Variants in KCNIP1 observed in about 807,000 individuals in gnomAD.
The protein encoded by KCNIP1 is A-type potassium channel modulatory protein KCNIP1.
KCNIP1 carries 18 observed loss-of-function variants against 33.0 expected under a neutral mutation model. That is an observed-to-expected ratio of 0.55 (90% CI 0.38 to 0.81). KCNIP1 has a LOEUF of 0.81. Ranked by LOEUF, KCNIP1 falls within the 30% of genes least tolerant of loss-of-function variation. The pLI is 0.00. For synonymous variants in KCNIP1, 93 were observed against 98.3 expected (o/e 0.95, Z 0.32); for missense variants, 238 against 271.6 (o/e 0.88, Z 0.87).
chr5:170,519,939 G>C (rs902609627), intron 1 of KCNIP1, among the ~76,000 whole-genome samples: 1 of 152,052 alleles, frequency 6.6e-6, no homozygotes, highest in Non-Finnish European at 1.5e-5. Flanking sequence ...GCAAAGACAG[G>C]GGGTGAGCGA....
chr5:170,506,978 G>A (rs543721305), intron 1 of KCNIP1, among the ~76,000 whole-genome samples: 2 of 152,386 alleles, frequency 1.3e-5, no homozygotes, highest in South Asian at 2.1e-4. Context: ...GAGGAGGCTA[G>A]TGGTCAGGGA....
At chr5:170,600,703 C>T (rs1048499514) in intron 1 of KCNIP1, among the ~76,000 whole-genome samples, 1 of 152,214 alleles carries the variant, frequency 6.6e-6, no homozygotes, top group African/African-American at 2.4e-5. Context: ...TAGGCAGGTA[C>T]TATTTGCAGG....
At chr5:170,614,098 C>T (rs1759280171) in intron 1 of KCNIP1, among the ~76,000 whole-genome samples, 4 of 152,198 alleles carry the variant, frequency 2.6e-5, no homozygotes. Flanking sequence ...GTTCATCTGG[C>T]TGTGTCACAA....
intron 1 of KCNIP1, among the ~76,000 whole-genome samples, chr5:170,693,621 C>T (rs1024949836): frequency 4.6e-5 from 7 of 152,174 alleles, no homozygotes; most frequent in African/African-American, 1.7e-4. Flanking sequence ...AACACCTGAG[C>T]ACGGAAGACC....
intron 1 of KCNIP1, among the ~76,000 whole-genome samples, chr5:170,515,854 G>A (rs1736716263): frequency 6.6e-6 from 1 of 152,188 alleles, no homozygotes; most frequent in Non-Finnish European, 1.5e-5. Flanking sequence ...GGCAGGGGCT[G>A]GAGAATTAGA....
At chr5:170,715,614 G>A (rs758304774) in intron 1 of KCNIP1, among the ~76,000 whole-genome samples, 10 of 152,244 alleles carry the variant, frequency 6.6e-5, no homozygotes, top group East Asian at 3.9e-4. Context: ...TATCACATGC[G>A]CAGGGCAATG....
At chr5:170,421,397 C>G (rs7707542) in intron 1 of KCNIP1, among the ~76,000 whole-genome samples, 58,045 of 152,082 alleles carry the variant, frequency 0.38, 11,381 homozygotes, top group South Asian at 0.47. Context: ...CAGTAAAAAC[C>G]TTTCTTCTGT....
upstream of KCNIP1, among the ~76,000 whole-genome samples, chr5:170,503,339 A>G (rs187456347): frequency 9.8e-3 from 1,467 of 150,300 alleles, 24 homozygotes; most frequent in African/African-American, 0.034. Flanking sequence ...GGTTGCAGTG[A>G]GCAGAGATCG....
chr5:170,586,956 G>A (rs1197187971), intron 1 of KCNIP1, among the ~76,000 whole-genome samples: 1 of 152,218 alleles, frequency 6.6e-6, no homozygotes, highest in African/African-American at 2.4e-5. Context: ...GGAGCTCACA[G>A]CCCAGTGGGG....
intron 1 of KCNIP1, among the ~76,000 whole-genome samples, chr5:170,641,768 C>T (rs545722198): frequency 1.2e-4 from 19 of 152,298 alleles, no homozygotes; most frequent in South Asian, 6.2e-4. Context: ...CCACGATCTA[C>T]GACATTGGCT....
intron 5 of KCNIP1, among the ~76,000 whole-genome samples, chr5:170,731,268 C>T (rs1002508470): frequency 4.6e-5 from 7 of 152,182 alleles, no homozygotes; most frequent in African/African-American, 1.7e-4. Flanking sequence ...TATACCATCA[C>T]TTCTGTGGTA....
intron 1 of KCNIP1, among the ~76,000 whole-genome samples, chr5:170,533,527 G>A (rs1198055219): frequency 6.6e-6 from 1 of 152,214 alleles, no homozygotes; most frequent in East Asian, 1.9e-4. Flanking sequence ...CCACCTCACA[G>A]GAGGGCAGGT....
intron 1 of KCNIP1, among the ~76,000 whole-genome samples, chr5:170,457,301 G>A (rs1463141335): frequency 6.6e-6 from 1 of 152,196 alleles, no homozygotes; most frequent in Non-Finnish European, 1.5e-5. Flanking sequence ...AGACAGGGCA[G>A]CAAAACTGCA....
At chr5:170,676,042 G>GC in intron 1 of KCNIP1, among the ~76,000 whole-genome samples, 1 of 148,956 alleles carries the variant, frequency 6.7e-6, no homozygotes, top group Non-Finnish European at 1.5e-5. Flanking sequence ...AGAAAAGAGA[G>GC]AGAGCAGAAA....
At chr5:170,359,224 G>T in intron 1 of KCNIP1, among the ~76,000 whole-genome samples, 1 of 152,154 alleles carries the variant, frequency 6.6e-6, no homozygotes, top group Non-Finnish European at 1.5e-5. Context: ...CTCCCCCATG[G>T]CTCTCCCTTC....
chr5:170,548,059 C>G (rs901042635), intron 1 of KCNIP1, among the ~76,000 whole-genome samples: 2 of 152,098 alleles, frequency 1.3e-5, no homozygotes, highest in East Asian at 3.8e-4. Flanking sequence ...TTAATAGTAG[C>G]CATTCTAACT....
intron 1 of KCNIP1, among the ~76,000 whole-genome samples, chr5:170,447,373 A>G (rs1756146911): frequency 6.6e-6 from 1 of 152,206 alleles, no homozygotes; most frequent in African/African-American, 2.4e-5. Flanking sequence ...CTCTCATCAT[A>G]AAGCTGGAAA....
chr5:170,441,358 A>T (rs1449358499), intron 1 of KCNIP1, among the ~76,000 whole-genome samples: 2 of 152,168 alleles, frequency 1.3e-5, no homozygotes, highest in African/African-American at 4.8e-5. Flanking sequence ...GTGTGGAACA[A>T]ACGAGACCCC....
At chr5:170,664,364 C>G (rs776474174) in intron 1 of KCNIP1, among the ~76,000 whole-genome samples, 1 of 152,148 alleles carries the variant, frequency 6.6e-6, no homozygotes, top group Non-Finnish European at 1.5e-5. Context: ...TCTCACTGAG[C>G]CTCCTCCCTA....
Sources: allele counts gnomAD v4.1 joint callset (sites outside exome capture counted in the v4.1 genomes callset), GRCh38; gene constraint gnomAD v4.1.1; transcripts MANE v1.5; gene names NCBI Gene and HGNC (gene_info 2026-07-23, HGNC 2026-07-21).